The following KCNMA1 variants were observed in gnomAD, a reference collection of about 807,000 sequenced individuals.
KCNMA1 encodes the protein potassium calcium-activated channel subfamily M alpha 1.
A neutral mutation model predicts 140.0 loss-of-function variants in KCNMA1; 29 were observed. The observed-to-expected ratio is 0.21, with a 90% CI of 0.15 to 0.28. KCNMA1 has a LOEUF of 0.28. Among genes scored for constraint, KCNMA1 ranks in the 10% least tolerant of loss-of-function variants. The probability of loss-of-function intolerance (pLI) is 1.00; values close to 1 mark genes in which losing one functional copy is unlikely to be tolerated. For missense variants in KCNMA1, 880 were observed against 1,602.2 expected, an observed-to-expected ratio of 0.55 and a Z score of 7.70; for synonymous variants, 612 against 611.9, an observed-to-expected ratio of 1.00 and a Z score of 0.00.
At chr10:77,002,540 TA>T (rs1451149398) in intron 18 of KCNMA1, among the ~76,000 whole-genome samples, 1 of 152,136 alleles carries the variant, frequency 6.6e-6, no homozygotes, top group Non-Finnish European at 1.5e-5. Flanking sequence ...AATAGAAGAA[TA>T]GGTTCCACGT....
intron 1 of KCNMA1, among the ~76,000 whole-genome samples, chr10:77,447,832 T>A (rs2097557621): frequency 6.6e-6 from 1 of 152,204 alleles, no homozygotes; most frequent in Non-Finnish European, 1.5e-5. Context: ...CAACAGCATC[T>A]CTCACCACGG....
At position 77,108,407 on chromosome 10, in the gene KCNMA1, C is replaced by CA. The variant is rs35119991; in HGVS notation, c.1223+73dup. On this transcript the variant is annotated intron_variant, in intron 9 of 27. Coordinates refer to ENST00000286628, the MANE Select transcript of KCNMA1 (RefSeq NM_001161352.2). This position sits in a 1 kb window ranked among gnomAD's most constrained non-coding sequence, Gnocchi z 4.6. ...ATGCATGAAACAAAGAAACAAGAGCCAAAAAAAAAAAAAAATGGCATGCAG... is the reference window on the plus strand; with the variant it reads ...ATGCATGAAACAAAGAAACAAGAGCCAAAAAAAAAAAAAAAATGGCATGCAG... 6,963 of 1,403,900 alleles carry CA rather than the reference C, an allele frequency of 5.0e-3. 9 individuals carry two copies. Among genetic ancestry groups the CA allele is most frequent in the African/African-American group, 0.011 (778 of 69,192 alleles). 87.0% of individuals were successfully genotyped at this position (1,403,900 alleles called of 1,614,324 possible). A position where few individuals can be genotyped will look rare whatever the true frequency, so the allele number is the denominator to read the frequency against.
At chr10:76,881,630 A>G (rs2034700107), downstream of KCNMA1, among the ~76,000 whole-genome samples, 1 of 152,182 alleles carries the variant, frequency 6.6e-6, no homozygotes, top group African/African-American at 2.4e-5. Context: ...GTTAGCTTTT[A>G]GAGTAAGTTT....
Position 77,081,913 on chromosome 10 carries a change from T to C in KCNMA1, c.1524-2363A>G, listed in dbSNP as rs902876588. Among the ~76,000 whole-genome samples the C allele has an allele frequency of 4.7e-5, 7 of 150,368 alleles. No individual in the cohort carries two copies. The South Asian group carries it at 1.5e-3, about 32-fold the overall frequency. On this transcript the variant is annotated intron_variant, in intron 12 of 27. Transcript: ENST00000286628. ...ACAAAGCCCATTTTTAACCCTGAAC[T>C]TCCCACTTCTTTTTGCAGCCAAGGC...
chr10:77,611,774 A>T (rs1331854645), intron 1 of KCNMA1, among the ~76,000 whole-genome samples: 1 of 152,084 alleles, frequency 6.6e-6, no homozygotes, highest in Non-Finnish European at 1.5e-5. Context: ...CTTTACCAAA[A>T]ACCCTTGCTG....
At chr10:77,195,771 A>T (rs996149867) in intron 3 of KCNMA1, among the ~76,000 whole-genome samples, 3 of 152,048 alleles carry the variant, frequency 2.0e-5, no homozygotes, top group Non-Finnish European at 4.4e-5. Context: ...CAACATGGTG[A>T]AACCCCACCT....
intron 5 of KCNMA1, among the ~76,000 whole-genome samples, chr10:77,129,729 A>G (rs2616645): frequency 0.14 from 20,555 of 151,978 alleles, 3,503 homozygotes; most frequent in East Asian, 0.87. Flanking sequence ...GTAGAATTTT[A>G]TGGGAGCAAA....
intron 1 of KCNMA1, among the ~76,000 whole-genome samples, chr10:77,449,068 C>T (rs2097580763): frequency 7.0e-6 from 1 of 142,338 alleles, no homozygotes; most frequent in African/African-American, 2.6e-5. Flanking sequence ...GCCTGGGCAA[C>T]AGAGCAAGAC....
chr10:77,330,271 C>A (rs540366801), intron 2 of KCNMA1, among the ~76,000 whole-genome samples: 188 of 152,256 alleles, frequency 1.2e-3, no homozygotes, highest in African/African-American at 4.3e-3. Context: ...AGCTTATACA[C>A]CCTCAGTCCA....
intron 14 of KCNMA1, among the ~76,000 whole-genome samples, chr10:77,056,379 C>G (rs558459889): frequency 3.3e-4 from 50 of 151,664 alleles, no homozygotes; most frequent in African/African-American, 8.5e-4. Flanking sequence ...GACTCCATCT[C>G]AAATAATAAT....
chr10:77,081,874 CA>C (rs1391804891), intron 12 of KCNMA1, among the ~76,000 whole-genome samples: 1 of 151,826 alleles, frequency 6.6e-6, no homozygotes, highest in Non-Finnish European at 1.5e-5. Flanking sequence ...GAGGATTATA[CA>C]AATAAGAGAA....
intron 1 of KCNMA1, among the ~76,000 whole-genome samples, chr10:77,575,660 T>C (rs1211158819): frequency 6.6e-6 from 1 of 152,208 alleles, no homozygotes; most frequent in Non-Finnish European, 1.5e-5. Flanking sequence ...TGGTTCGCAA[T>C]ATTGGCTGCA....
intron 21 of KCNMA1, among the ~76,000 whole-genome samples, chr10:76,951,600 G>A (rs1293395256): frequency 6.6e-6 from 1 of 152,114 alleles, no homozygotes; most frequent in Admixed American, 6.5e-5. Context: ...AAAGTAGTTA[G>A]TTTCCCGTGC....
At chr10:77,612,799 C>A (rs2087479477) in intron 1 of KCNMA1, among the ~76,000 whole-genome samples, 1 of 152,116 alleles carries the variant, frequency 6.6e-6, no homozygotes, top group African/African-American at 2.4e-5. Flanking sequence ...TACCTCCTCA[C>A]CTCCCTGACA....
chr10:77,615,608 C>G (rs2089136381), intron 1 of KCNMA1, among the ~76,000 whole-genome samples: 1 of 152,174 alleles, frequency 6.6e-6, no homozygotes, highest in African/African-American at 2.4e-5. Flanking sequence ...TGCCTGACAT[C>G]TCGTACTGCA....
intron 2 of KCNMA1, among the ~76,000 whole-genome samples, chr10:77,325,542 G>A (rs2083850984): frequency 6.6e-6 from 1 of 152,196 alleles, no homozygotes; most frequent in Admixed American, 6.5e-5. Flanking sequence ...CCAAGAACAG[G>A]TAGGCAAGGA....
chr10:77,057,931 A>T (rs1042081091), intron 14 of KCNMA1, among the ~76,000 whole-genome samples: 9 of 152,092 alleles, frequency 5.9e-5, no homozygotes, highest in Admixed American at 2.0e-4. Context: ...AATATTATAG[A>T]TAAATTGTCT....
intron 25 of KCNMA1, among the ~76,000 whole-genome samples, chr10:76,892,033 C>T (rs540206376): frequency 1.3e-5 from 2 of 152,246 alleles, no homozygotes; most frequent in East Asian, 1.9e-4. Flanking sequence ...TTGCCTCCCC[C>T]TCCTAAAGTC....
At chr10:76,922,336 T>G (rs1210363459) in intron 23 of KCNMA1, among the ~76,000 whole-genome samples, 1 of 152,200 alleles carries the variant, frequency 6.6e-6, no homozygotes, top group African/African-American at 2.4e-5. Flanking sequence ...ATCTGCTGTT[T>G]TCTGTTCCTT....
Sources: allele counts gnomAD v4.1 joint callset (sites outside exome capture counted in the v4.1 genomes callset), GRCh38; gene constraint gnomAD v4.1.1; non-coding constraint Gnocchi (gnomAD v3.1); transcripts MANE v1.5; gene names NCBI Gene and HGNC (gene_info 2026-07-23, HGNC 2026-07-21).